Variants in PON3 observed in about 807,000 individuals in gnomAD.
PON3 encodes the protein paraoxonase 3.
A neutral mutation model predicts 36.3 loss-of-function variants in PON3; 37 were observed. The ratio of observed to expected loss-of-function variants is 1.02; its 90% CI spans 0.78 to 1.34. The LOEUF (loss-of-function observed/expected upper bound fraction) is 1.34, where lower values mean the gene tolerates loss of function less well. Ranked by LOEUF, PON3 falls within the 40% of genes most tolerant of loss-of-function variation. The pLI is 0.00. For missense variants in PON3, 415 were observed against 426.5 expected (o/e 0.97, Z 0.24); for synonymous variants, 155 against 154.8 (o/e 1.00, Z -0.01).
chr7:95,376,549 A>G (rs577566337), intron 3 of PON3, among the ~76,000 whole-genome samples: 7 of 152,302 alleles, frequency 4.6e-5, no homozygotes, highest in Admixed American at 2.6e-4. Flanking sequence ...CATTATTTAA[A>G]ACTTCATGTT....
chr7:95,383,117 C>T lies in PON3; in HGVS notation c.201+7037G>A, dbSNP rs113623574. On this transcript the variant is annotated intron_variant, in intron 3 of 8. Transcript: ENST00000265627. ...AGATAAAAACCACATGATTATCTCA[C>T]TAGATGCAGAAAAGGCCTTCGACAA... Among the ~76,000 whole-genome samples, 550 of 152,140 alleles carry T rather than the reference C, an allele frequency of 3.6e-3. 4 individuals are homozygous for T. Among genetic ancestry groups the T allele is most frequent in the Middle Eastern group, 0.014 (4 of 294 alleles).
At chr7:95,387,505 T>C (rs1809222996) in intron 3 of PON3, among the ~76,000 whole-genome samples, 1 of 152,142 alleles carries the variant, frequency 6.6e-6, no homozygotes, top group Non-Finnish European at 1.5e-5. Flanking sequence ...TGGAAGAACA[T>C]TCCATGCTCA....
intron 8 of PON3, among the ~76,000 whole-genome samples, chr7:95,361,317 A>T (rs1808565272): frequency 6.6e-6 from 1 of 152,206 alleles, no homozygotes; most frequent in Non-Finnish European, 1.5e-5. Flanking sequence ...GGAAGTAGAA[A>T]TAACTGTATG....
rs1563611533 is a variant in PON3, at chr7:95,359,960, T to C, written c.*13A>G. 11 of 1,585,434 alleles carry C rather than the reference T, an allele frequency of 6.9e-6. No individual in the cohort carries two copies. The highest frequency in any genetic ancestry group is 6.9e-6 in the Non-Finnish European group (8 of 1,164,038). ...TATGTAGACTTTTTTTTTTTTTTTT[T>C]ACTATCTAGAGTCTAGAGCTCACAG... On this transcript the variant is annotated 3_prime_UTR_variant, in exon 9 of 9. Transcript: ENST00000265627.
At position 95,360,006 on chromosome 7, in the gene PON3, G is replaced by A. The variant is rs201745303; in HGVS notation, c.1032C>T (p.Thr344=). The change falls in exon 9 of 9, where the codon ACC becomes ACT. Residue 344 remains threonine (T), a synonymous_variant. Coordinates refer to ENST00000265627, the MANE Select transcript of PON3 (RefSeq NM_000940.3). The stretch of plus-strand genomic sequence containing the variant: ...CACAGTACAGAGTTTTGTGAAATAC[G>A]GTGCCTATGAGAATTTTCCCATGGT... The part of the protein sequence containing the change: ...SVYHGKILIG[T]VFHKTLYCEL 1,128 of 1,611,246 alleles carry A rather than the reference G, an allele frequency of 7.0e-4. 8 individuals are homozygous for A. In the South Asian group the frequency reaches 8.4e-3, roughly 12 times the overall value.
chr7:95,389,728 C>T (rs887501462), intron 3 of PON3, among the ~76,000 whole-genome samples: 5 of 152,050 alleles, frequency 3.3e-5, no homozygotes, highest in African/African-American at 9.7e-5. Flanking sequence ...GGTTAATATT[C>T]GATCCACAAA....
chr7:95,380,455 A>T (rs1010881369), intron 3 of PON3, among the ~76,000 whole-genome samples: 4 of 152,210 alleles, frequency 2.6e-5, no homozygotes, highest in Non-Finnish European at 4.4e-5. Flanking sequence ...AAACCTTGAA[A>T]AAAGATTAGA....
intron 3 of PON3, among the ~76,000 whole-genome samples, chr7:95,382,412 G>A (rs1397586501): frequency 1.3e-5 from 2 of 152,080 alleles, no homozygotes; most frequent in African/African-American, 4.8e-5. Context: ...ATGAATCCAG[G>A]AGCTGGTATT....
intron 5 of PON3, among the ~76,000 whole-genome samples, chr7:95,366,303 C>T (rs1030311721): frequency 6.6e-6 from 1 of 152,160 alleles, no homozygotes; most frequent in South Asian, 2.1e-4. Context: ...AATTAAGTGA[C>T]TTGTCCACAG....
At chr7:95,378,513 G>T (rs887722663) in intron 3 of PON3, among the ~76,000 whole-genome samples, 9 of 152,128 alleles carry the variant, frequency 5.9e-5, no homozygotes, top group African/African-American at 1.9e-4. Flanking sequence ...AGAAAGGCTG[G>T]GTTACCCACA....
intron 5 of PON3, 143 bp downstream of exon 5, chr7:95,367,219 C>T: frequency 2.0e-6 from 2 of 1,009,444 alleles, no homozygotes; most frequent in South Asian, 1.5e-5. Context: ...GGAAGAGTCA[C>T]CATGGGAATC....
intron 3 of PON3, among the ~76,000 whole-genome samples, chr7:95,378,764 G>C (rs1412344633): frequency 6.6e-6 from 1 of 152,116 alleles, no homozygotes; most frequent in Non-Finnish European, 1.5e-5. Flanking sequence ...CACTAAACAT[G>C]GAAAGGAACA....
intron 3 of PON3, among the ~76,000 whole-genome samples, chr7:95,389,915 C>T (rs1289012562): frequency 6.6e-6 from 1 of 152,150 alleles, no homozygotes; most frequent in Non-Finnish European, 1.5e-5. Flanking sequence ...TTTATCAAGA[C>T]CCTACTGAGT....
Position 95,367,485 on chromosome 7 carries a change from T to A in PON3, c.371A>T (p.Asn124Ile). The A allele has an allele frequency of 6.2e-7, 1 of 1,612,964 alleles. No homozygotes were observed. Among genetic ancestry groups the A allele is most frequent in the Non-Finnish European group, 8.5e-7 (1 of 1,179,330 alleles). The change falls in exon 5 of 9, where the codon AAT becomes ATT. Residue 124 changes from asparagine (N) to isoleucine (I), a missense_variant. Transcript: ENST00000265627. ...HGISIFIDKDNTVYLYVVNHP... is the reference protein window; with the variant it reads ...HGISIFIDKDITVYLYVVNHP... ...ATTCACAACATAAAGATACACAGTA[T>A]TGTCTACATGGAAAAAAGGGATAAT... is the stretch of plus-strand genomic sequence containing the variant.
chr7:95,385,169 C>T lies in PON3; in HGVS notation c.201+4985G>A, dbSNP rs533018509. 3.4e-4 allele frequency among the ~76,000 whole-genome samples: 52 copies of T among 151,866 alleles called. 1 individual carries two copies. Among genetic ancestry groups the T allele is most frequent in the African/African-American group, 1.0e-3 (43 of 41,394 alleles). Reference sequence around the variant, plus strand: ...ATTGAACGATGAGAACACTTGGACACGGGAAGGGGAACATCACACACTGGG... The same window carrying T: ...ATTGAACGATGAGAACACTTGGACATGGGAAGGGGAACATCACACACTGGG... On this transcript the variant is annotated intron_variant, in intron 3 of 8. Coordinates refer to ENST00000265627, the MANE Select transcript of PON3 (RefSeq NM_000940.3).
intron 3 of PON3, among the ~76,000 whole-genome samples, chr7:95,376,538 C>T (rs557742762): frequency 1.8e-4 from 28 of 151,938 alleles, no homozygotes; most frequent in African/African-American, 5.8e-4. Flanking sequence ...AAAAGGAGAT[C>T]CATTATTTAA....
intron 3 of PON3, among the ~76,000 whole-genome samples, chr7:95,389,322 A>G (rs1342626884): frequency 1.1e-4 from 16 of 152,172 alleles, no homozygotes; most frequent in Admixed American, 1.0e-3. Flanking sequence ...CACGGTTATT[A>G]TAAGTACCCC....
chr7:95,384,569 C>T (rs1441725203), intron 3 of PON3, among the ~76,000 whole-genome samples: 2 of 152,150 alleles, frequency 1.3e-5, no homozygotes, highest in Non-Finnish European at 2.9e-5. Flanking sequence ...CAAAAGAAGA[C>T]ATTTATGCAG....
At chr7:95,380,467 G>A (rs1809022000) in intron 3 of PON3, among the ~76,000 whole-genome samples, 1 of 152,160 alleles carries the variant, frequency 6.6e-6, no homozygotes, top group African/African-American at 2.4e-5. Context: ...AAGATTAGAT[G>A]AATGGCTAAC....
Sources: allele counts gnomAD v4.1 joint callset (sites outside exome capture counted in the v4.1 genomes callset), GRCh38; gene constraint gnomAD v4.1.1; transcripts MANE v1.5; gene names NCBI Gene and HGNC (gene_info 2026-07-23, HGNC 2026-07-21).